GRM7: variants seen among roughly 807,000 people sequenced by gnomAD.
The protein encoded by GRM7 is metabotropic glutamate receptor 7.
Under a neutral mutation model 84.5 loss-of-function variants are expected in GRM7, and 35 were observed. That is an observed-to-expected ratio of 0.41 (90% CI 0.32 to 0.55). GRM7 has a LOEUF of 0.55. GRM7 is among the 20% of genes least tolerant of loss of function. The pLI, the probability that GRM7 is intolerant of heterozygous loss-of-function variation, is 0.19. For missense variants in GRM7, 1,003 were observed against 1,194.6 expected (o/e 0.84, Z 2.36); for synonymous variants, 487 against 455.1 (o/e 1.07, Z -0.89).
At chr3:7,136,834 G>A (rs1693788665) in intron 1 of GRM7, among the ~76,000 whole-genome samples, 1 of 152,180 alleles carries the variant, frequency 6.6e-6, no homozygotes, top group Non-Finnish European at 1.5e-5. Flanking sequence ...TCTTCCATAA[G>A]GGTAAATACT....
At chr3:6,968,689 A>G (rs1178016491) in intron 1 of GRM7, among the ~76,000 whole-genome samples, 2 of 152,050 alleles carry the variant, frequency 1.3e-5, no homozygotes, top group African/African-American at 4.8e-5. Context: ...AGGAATACCC[A>G]AGACTTTTGT....
At chr3:6,873,292 C>T (rs6780656) in intron 1 of GRM7, among the ~76,000 whole-genome samples, 13,036 of 152,212 alleles carry the variant, frequency 0.086, 645 homozygotes, top group Non-Finnish European at 0.11. Context: ...AGGCTGGTCC[C>T]GAACTCCTGA....
chr3:7,027,154 C>A (rs1499166), intron 1 of GRM7, among the ~76,000 whole-genome samples: 150,792 of 152,358 alleles, frequency 0.99, 74,625 homozygotes, highest in Middle Eastern at 1. Flanking sequence ...AACACTTCAC[C>A]TCCAGTCTTT....
At chr3:7,709,484 T>A (rs933184400) in intron 9 of GRM7, among the ~76,000 whole-genome samples, 2 of 152,118 alleles carry the variant, frequency 1.3e-5, no homozygotes, top group African/African-American at 4.8e-5. Context: ...GAAATGAGTG[T>A]CAGTGGAGAC....
intron 8 of GRM7, among the ~76,000 whole-genome samples, chr3:7,628,270 TG>T (rs1226721045): frequency 6.6e-6 from 1 of 152,140 alleles, no homozygotes; most frequent in Non-Finnish European, 1.5e-5. Context: ...GTGCCCAGCC[TG>T]GGGAGTGCAG....
intron 2 of GRM7, among the ~76,000 whole-genome samples, chr3:7,206,879 A>T (rs1412797902): frequency 6.6e-6 from 1 of 151,916 alleles, no homozygotes; most frequent in African/African-American, 2.4e-5. Flanking sequence ...TAGACTCAGA[A>T]CCCCCAGGTG....
chr3:7,375,749 G>A (rs1042107585), intron 4 of GRM7, among the ~76,000 whole-genome samples: 12 of 151,918 alleles, frequency 7.9e-5, no homozygotes, highest in African/African-American at 2.7e-4. Flanking sequence ...CTAATTCTAG[G>A]TTCATCCTCC....
At position 6,873,656 on chromosome 3, in the gene GRM7, A is replaced by G. The variant is rs138591297; in HGVS notation, c.519+11749A>G. Among the ~76,000 whole-genome samples the G allele has an allele frequency of 2.1e-4, 32 of 152,354 alleles. No homozygotes were observed. In the East Asian group the frequency reaches 6.0e-3, roughly 28 times the overall value. ...ATTTATTATTAATAGTATTAGCGTC[A>G]GTATTTTCAGCATGCCAGGTACTGT... On this transcript the variant is annotated intron_variant, in intron 1 of 9. Transcript: ENST00000357716.
At chr3:7,563,760 G>A (rs951399227) in intron 7 of GRM7, among the ~76,000 whole-genome samples, 3 of 152,142 alleles carry the variant, frequency 2.0e-5, no homozygotes, top group African/African-American at 4.8e-5. Flanking sequence ...ACTGTCTCAC[G>A]TGGGCAATGG....
Position 7,564,731 on chromosome 3 carries a change from T to G in GRM7, c.1516-13691T>G, listed in dbSNP as rs564959299. Among the ~76,000 whole-genome samples the G allele has an allele frequency of 1.2e-3, 189 of 152,332 alleles. 2 individuals are homozygous for G. The South Asian group carries it at 0.03, about 25-fold the overall frequency. ...GCTATTCCTTACACGTGTCATCTTATTTAGTCTTCCTACCTAATAAACTAA... is the reference window on the plus strand; with the variant it reads ...GCTATTCCTTACACGTGTCATCTTAGTTAGTCTTCCTACCTAATAAACTAA... On this transcript the variant is annotated intron_variant, in intron 7 of 9. Coordinates refer to ENST00000357716, the MANE Select transcript of GRM7 (RefSeq NM_000844.4).
In GRM7 at chr3:6,979,953, A is replaced by T. The variant is rs561729702; in HGVS notation, c.519+118046A>T. ...TCTGTGAGGGGTAACATTCTACTTT[A>T]TAAAGACATATGAATAAAACATATA... On this transcript the variant is annotated intron_variant, in intron 1 of 9. Coordinates refer to ENST00000357716, the MANE Select transcript of GRM7 (RefSeq NM_000844.4). 7.2e-5 allele frequency among the ~76,000 whole-genome samples: 11 copies of T among 152,300 alleles called. 1 individual carries two copies. In the East Asian group the frequency reaches 1.4e-3, roughly 19 times the overall value.
intron 4 of GRM7, among the ~76,000 whole-genome samples, chr3:7,398,247 C>T (rs372409417): frequency 1.3e-5 from 2 of 152,146 alleles, no homozygotes; most frequent in East Asian, 3.9e-4. Flanking sequence ...TGACGGCCTA[C>T]TATGTGCTAA....
At chr3:7,076,073 T>C (rs1261694156) in intron 1 of GRM7, among the ~76,000 whole-genome samples, 3 of 152,142 alleles carry the variant, frequency 2.0e-5, no homozygotes, top group Admixed American at 1.3e-4. Flanking sequence ...ATTTACTGTG[T>C]TCCTGCCATG....
chr3:7,158,116 T>C (rs143076169), intron 2 of GRM7, among the ~76,000 whole-genome samples: 471 of 152,280 alleles, frequency 3.1e-3, no homozygotes, highest in East Asian at 0.01. Context: ...GAAGAGGACT[T>C]ATTTAACACA....
intron 1 of GRM7, among the ~76,000 whole-genome samples, chr3:6,995,156 A>G (rs555931018): frequency 2.0e-5 from 3 of 152,292 alleles, no homozygotes; most frequent in African/African-American, 7.2e-5. Flanking sequence ...CAGCCAATCT[A>G]TTTTTGTCAC....
rs144716726 is a variant in GRM7 at position 7,329,303 on chromosome 3, T to C, written c.1033+22651T>C. On this transcript the variant is annotated intron_variant, in intron 4 of 9. Coordinates refer to ENST00000357716, the MANE Select transcript of GRM7 (RefSeq NM_000844.4). The stretch of plus-strand genomic sequence containing the variant: ...AGACTGGAAACTGTTCCATCCATCA[T>C]TTAACAAGCAGGGTCCTTTCAACCG... Among the ~76,000 whole-genome samples the C allele has an allele frequency of 2.4e-3, 367 of 152,322 alleles. 3 individuals are homozygous for C. The highest frequency in any genetic ancestry group is 8.3e-3 in the African/African-American group (344 of 41,580).
chr3:7,202,962 G>T (rs186773974), intron 2 of GRM7, among the ~76,000 whole-genome samples: 1 of 152,214 alleles, frequency 6.6e-6, no homozygotes, highest in African/African-American at 2.4e-5. Flanking sequence ...ATTATTAATG[G>T]TGTACATATG....
chr3:7,085,796 C>G lies in GRM7; in HGVS notation c.520-60656C>G, dbSNP rs992609373. On this transcript the variant is annotated intron_variant, in intron 1 of 9. Coordinates refer to ENST00000357716, the MANE Select transcript of GRM7 (RefSeq NM_000844.4). ...CACACCCTTTCAGCTGGATGTGGAA[C>G]CTACCCCCATCCTCTTGGAATATTG... 3.3e-5 allele frequency among the ~76,000 whole-genome samples: 5 copies of G among 152,136 alleles called. No homozygotes were observed. The South Asian group carries it at 8.3e-4, about 25-fold the overall frequency.
chr3:6,872,876 G>T (rs1233481160), intron 1 of GRM7, among the ~76,000 whole-genome samples: 2 of 152,128 alleles, frequency 1.3e-5, no homozygotes, highest in Non-Finnish European at 2.9e-5. Context: ...ATGGGCATTT[G>T]GGTTGTTCCA....
Sources: gnomAD v4.1 joint callset for allele counts (sites outside exome capture counted in the v4.1 genomes callset) on GRCh38, gnomAD v4.1.1 for gene constraint, MANE v1.5 for transcripts, NCBI Gene and HGNC (gene_info 2026-07-23, HGNC 2026-07-21) for gene names.